The following CMTM8 variants were observed in gnomAD, a reference collection of about 807,000 sequenced individuals.
The protein encoded by CMTM8 is CKLF-like MARVEL transmembrane domain-containing protein 8.
Under a neutral mutation model 18.6 loss-of-function variants are expected in CMTM8, and 12 were observed. The observed-to-expected ratio is 0.65, with a 90% CI of 0.41 to 1.05. The LOEUF (loss-of-function observed/expected upper bound fraction) is 1.05, where lower values mean the gene tolerates loss of function less well. Ranked by LOEUF, CMTM8 falls within the 50% of genes least tolerant of loss-of-function variation. The probability of loss-of-function intolerance (pLI) is 0.00; values close to 1 mark genes in which losing one functional copy is unlikely to be tolerated. For missense variants in CMTM8, 217 were observed against 227.2 expected (o/e 0.95, Z 0.29); for synonymous variants, 87 against 90.6 (o/e 0.96, Z 0.23).
chr3:32,365,486 C>A (rs1697017491), intron 2 of CMTM8, among the ~76,000 whole-genome samples: 1 of 152,118 alleles, frequency 6.6e-6, no homozygotes, highest in Non-Finnish European at 1.5e-5. Flanking sequence ...CACTCTGTCA[C>A]CCAGGCTGGA....
At chr3:32,335,217 A>T (rs1696363243) in intron 1 of CMTM8, among the ~76,000 whole-genome samples, 1 of 152,176 alleles carries the variant, frequency 6.6e-6, no homozygotes, top group African/African-American at 2.4e-5. Flanking sequence ...TGCCAAGCTG[A>T]CACCAGGCTG....
intron 1 of CMTM8, among the ~76,000 whole-genome samples, chr3:32,240,269 G>T (rs776481600): frequency 1.1e-4 from 16 of 152,228 alleles, no homozygotes; most frequent in Non-Finnish European, 1.9e-4. Flanking sequence ...GCCCCTGGTG[G>T]TCATAATGCA....
At chr3:32,301,640 G>C (rs1695620132) in intron 1 of CMTM8, among the ~76,000 whole-genome samples, 1 of 151,846 alleles carries the variant, frequency 6.6e-6, no homozygotes, top group African/African-American at 2.4e-5. Context: ...TCCCGGCATC[G>C]GTGACATTGC....
intron 1 of CMTM8, among the ~76,000 whole-genome samples, chr3:32,314,346 C>T (rs1160126792): frequency 3.3e-5 from 5 of 152,082 alleles, no homozygotes; most frequent in Non-Finnish European, 7.4e-5. Flanking sequence ...AGCTCCTGAC[C>T]AGTGGCTGCT....
intron 1 of CMTM8, among the ~76,000 whole-genome samples, chr3:32,250,802 A>G (rs1413561571): frequency 6.6e-6 from 1 of 152,136 alleles, no homozygotes; most frequent in Non-Finnish European, 1.5e-5. Context: ...CATGTTGCCC[A>G]GGCTGGTCTC....
intron 1 of CMTM8, among the ~76,000 whole-genome samples, chr3:32,343,036 C>T (rs1391193207): frequency 6.6e-6 from 1 of 152,164 alleles, no homozygotes; most frequent in Non-Finnish European, 1.5e-5. Flanking sequence ...TCTGCTATTA[C>T]CATGTGCGGT....
intron 1 of CMTM8, among the ~76,000 whole-genome samples, chr3:32,319,107 C>A (rs1356762888): frequency 3.1e-5 from 2 of 65,426 alleles, no homozygotes; most frequent in African/African-American, 1.3e-4. Context: ...AGACAGAGTC[C>A]CACTCTTGTC....
At chr3:32,256,907 CTCTG>C (rs1192175565) in intron 1 of CMTM8, among the ~76,000 whole-genome samples, 2 of 152,218 alleles carry the variant, frequency 1.3e-5, no homozygotes, top group Admixed American at 1.3e-4. Context: ...AAATCCACTC[CTCTG>C]TGGGAATCAG....
chr3:32,336,686 G>A (rs1361081398), intron 1 of CMTM8, among the ~76,000 whole-genome samples: 4 of 152,200 alleles, frequency 2.6e-5, no homozygotes, highest in Non-Finnish European at 5.9e-5. Context: ...AATGGAAGGA[G>A]CTGTTTTTAT....
At chr3:32,334,214 G>A (rs1474177504) in intron 1 of CMTM8, among the ~76,000 whole-genome samples, 1 of 151,612 alleles carries the variant, frequency 6.6e-6, no homozygotes, top group Non-Finnish European at 1.5e-5. Flanking sequence ...CTGGCCTCAG[G>A]TGATCCACCC....
chr3:32,296,110 CA>C (rs1459692295), intron 1 of CMTM8, among the ~76,000 whole-genome samples: 1 of 152,110 alleles, frequency 6.6e-6, no homozygotes, highest in African/African-American at 2.4e-5. Flanking sequence ...CAGTAACAAT[CA>C]GGACTTCTTT....
intron 1 of CMTM8, among the ~76,000 whole-genome samples, chr3:32,255,163 G>A (rs1293392908): frequency 1.3e-5 from 2 of 151,806 alleles, no homozygotes; most frequent in East Asian, 3.9e-4. Context: ...TTATTCATCT[G>A]TTCATGGACA....
rs373166159 is a variant in CMTM8 at position 32,367,979 on chromosome 3, G to T, written c.429G>T (p.Ala143=). 6.2e-7 allele frequency: 1 copy of T among 1,609,024 alleles called. No individual in the cohort carries two copies. Among genetic ancestry groups the T allele is most frequent in the East Asian group, 2.2e-5 (1 of 44,844 alleles). Residue 143 remains alanine (A), a synonymous_variant, in exon 3 of 4, where the codon GCG becomes GCT. Transcript: ENST00000307526. The stretch of plus-strand genomic sequence containing the variant: ...ACAGTCACAACTTCAACAGCTGGGC[G>T]GCCTCATCGGTGAGTAGCCCTCCAT... The part of the protein sequence containing the change: ...ERDSHNFNSW[A]ASSFFAFLVT...
In CMTM8 at chr3:32,238,942, G is replaced by C; in HGVS notation, c.-31G>C. On this transcript the variant is annotated 5_prime_UTR_variant, in exon 1 of 4. Transcript: ENST00000307526. ...CAGCCCCAGACCCGCCGGGGTCCCT[G>C]GGGACGCGCCAGCCCGGCAGTGGCT... 1.3e-6 allele frequency: 2 copies of C among 1,538,976 alleles called. No individual in the cohort carries two copies. Among genetic ancestry groups the C allele is most frequent in the South Asian group, 2.4e-5 (2 of 82,666 alleles).
intron 1 of CMTM8, among the ~76,000 whole-genome samples, chr3:32,341,453 A>G (rs1340590065): frequency 6.6e-6 from 1 of 152,246 alleles, no homozygotes; most frequent in Non-Finnish European, 1.5e-5. Context: ...CACAATAGCA[A>G]CTATCCTTTG....
intron 1 of CMTM8, among the ~76,000 whole-genome samples, chr3:32,321,865 C>T (rs1228509212): frequency 6.6e-6 from 1 of 152,204 alleles, no homozygotes; most frequent in Non-Finnish European, 1.5e-5. Flanking sequence ...TCCCAAGGTG[C>T]TGGGAGTTAC....
intron 1 of CMTM8, among the ~76,000 whole-genome samples, chr3:32,346,020 G>C (rs1696588437): frequency 6.6e-6 from 1 of 152,212 alleles, no homozygotes; most frequent in South Asian, 2.1e-4. Flanking sequence ...TGGGCGTGGT[G>C]GCTCATGCCT....
rs796152373 is a variant in CMTM8 at position 32,247,676 on chromosome 3, G to T, written c.147+8557G>T. Among the ~76,000 whole-genome samples the T allele has an allele frequency of 2.0e-5, 3 of 152,278 alleles. No individual in the cohort carries two copies. The South Asian group carries it at 6.2e-4, about 32-fold the overall frequency. ...AGGTTTCACCATGTTGGCCAGGCTG[G>T]TTTCGAACTCCTGGCCTCAAGTGAT... is the stretch of plus-strand genomic sequence containing the variant. On this transcript the variant is annotated intron_variant, in intron 1 of 3. Transcript: ENST00000307526.
chr3:32,353,604 G>C (rs934616197), intron 1 of CMTM8, among the ~76,000 whole-genome samples: 1 of 152,156 alleles, frequency 6.6e-6, no homozygotes, highest in African/African-American at 2.4e-5. Context: ...TATAGACTCT[G>C]TGAACAGAGT....
Sources: allele counts gnomAD v4.1 joint callset (sites outside exome capture counted in the v4.1 genomes callset), GRCh38; gene constraint gnomAD v4.1.1; transcripts MANE v1.5; gene names NCBI Gene and HGNC (gene_info 2026-07-23, HGNC 2026-07-21).